The following PCDH9 variants were observed in gnomAD, a reference collection of about 807,000 sequenced individuals.
The protein encoded by PCDH9 is protocadherin 9.
In PCDH9, 24 loss-of-function variants were observed where a neutral mutation model predicts 70.6. That is an observed-to-expected ratio of 0.34 (90% CI 0.25 to 0.48). The LOEUF is 0.48. PCDH9 is among the 20% of genes least tolerant of loss of function. The pLI is 0.99. For synonymous variants in PCDH9, 562 were observed against 558.5 expected, an observed-to-expected ratio of 1.01 and a Z score of -0.09; for missense variants, 1,281 against 1,503.6, an observed-to-expected ratio of 0.85 and a Z score of 2.45.
intron 3 of PCDH9, among the ~76,000 whole-genome samples, chr13:66,681,947 A>C (rs1268393429): frequency 6.0e-5 from 8 of 133,668 alleles, no homozygotes; most frequent in African/African-American, 1.7e-4. Context: ...GAGTATATAC[A>C]AACATATATA....
chr13:67,026,788 A>G (rs1176205482), intron 2 of PCDH9, among the ~76,000 whole-genome samples: 2 of 151,664 alleles, frequency 1.3e-5, no homozygotes, highest in African/African-American at 4.8e-5. Context: ...ACAGAGAGCC[A>G]AATCATGAGT....
chr13:66,705,293 C>G (rs2078697460), intron 3 of PCDH9, among the ~76,000 whole-genome samples: 1 of 152,108 alleles, frequency 6.6e-6, no homozygotes, highest in African/African-American at 2.4e-5. Flanking sequence ...AGCATATAAA[C>G]TGCTGCTATT....
At chr13:67,164,535 C>T (rs1452837282) in intron 2 of PCDH9, among the ~76,000 whole-genome samples, 1 of 150,932 alleles carries the variant, frequency 6.6e-6, no homozygotes, top group Admixed American at 6.6e-5. Context: ...TAGCATGCCA[C>T]TGCACTCCAG....
At chr13:66,374,832 GA>G (rs1956720549) in intron 4 of PCDH9, among the ~76,000 whole-genome samples, 3 of 152,214 alleles carry the variant, frequency 2.0e-5, no homozygotes, top group African/African-American at 7.2e-5. Context: ...TGAGCAACAA[GA>G]TGTATTTCTT....
At chr13:66,973,833 G>A (rs562672375) in intron 2 of PCDH9, among the ~76,000 whole-genome samples, 1 of 152,066 alleles carries the variant, frequency 6.6e-6, no homozygotes, top group Non-Finnish European at 1.5e-5. Flanking sequence ...AACAGTAGAG[G>A]AGCCATTTCC....
chr13:66,748,690 T>A (rs1438011384), intron 3 of PCDH9, among the ~76,000 whole-genome samples: 1 of 152,168 alleles, frequency 6.6e-6, no homozygotes, highest in Non-Finnish European at 1.5e-5. Context: ...ATTTGTGAAA[T>A]CCTGGGCCTC....
intron 3 of PCDH9, among the ~76,000 whole-genome samples, chr13:66,824,360 A>C (rs943656170): frequency 7.0e-6 from 1 of 142,456 alleles, no homozygotes. Context: ...GTTAAATGTT[A>C]AAAACAATAT....
intron 4 of PCDH9, among the ~76,000 whole-genome samples, chr13:66,513,836 CTT>C (rs927428010): frequency 6.8e-6 from 1 of 147,450 alleles, no homozygotes; most frequent in East Asian, 2.0e-4. Context: ...AATGAGGTAA[CTT>C]TTTTTTTTTC....
At chr13:66,794,921 G>A (rs911099617) in intron 3 of PCDH9, among the ~76,000 whole-genome samples, 1 of 149,930 alleles carries the variant, frequency 6.7e-6, no homozygotes, top group African/African-American at 2.5e-5. Context: ...TTTCAGTTCT[G>A]GTGTCACTAA....
intron 4 of PCDH9, among the ~76,000 whole-genome samples, chr13:66,308,109 G>A (rs1218023663): frequency 6.6e-6 from 1 of 151,962 alleles, no homozygotes; most frequent in African/African-American, 2.4e-5. Flanking sequence ...GGAAGTAAAA[G>A]GTGTCATTAA....
chr13:66,359,760 C>A (rs537584935), intron 4 of PCDH9, among the ~76,000 whole-genome samples: 167 of 152,046 alleles, frequency 1.1e-3, no homozygotes, highest in African/African-American at 3.9e-3. Flanking sequence ...AACAAAGGGC[C>A]GTCTTTAGAA....
At chr13:66,724,308 C>T (rs1439260499) in intron 3 of PCDH9, among the ~76,000 whole-genome samples, 1 of 152,082 alleles carries the variant, frequency 6.6e-6, no homozygotes, top group Non-Finnish European at 1.5e-5. Flanking sequence ...ATCAGAATTA[C>T]CATGGAAAAT....
chr13:66,623,247 C>A (rs1305243105), intron 4 of PCDH9, among the ~76,000 whole-genome samples: 1 of 152,240 alleles, frequency 6.6e-6, no homozygotes, highest in Non-Finnish European at 1.5e-5. Flanking sequence ...TTTAATTTCT[C>A]AAGCTTCTTA....
intron 4 of PCDH9, among the ~76,000 whole-genome samples, chr13:66,371,056 A>G (rs1956642507): frequency 6.6e-6 from 1 of 152,152 alleles, no homozygotes; most frequent in South Asian, 2.1e-4. Context: ...GCTTTGAGGG[A>G]AATCATAAAT....
At chr13:66,680,655 T>C (rs2078306757) in intron 3 of PCDH9, among the ~76,000 whole-genome samples, 1 of 151,954 alleles carries the variant, frequency 6.6e-6, no homozygotes, top group African/African-American at 2.4e-5. Flanking sequence ...TTTCGATTAA[T>C]GGCATTTCAA....
intron 4 of PCDH9, among the ~76,000 whole-genome samples, chr13:66,580,579 C>T (rs1250281431): frequency 6.6e-6 from 1 of 151,378 alleles, no homozygotes; most frequent in Non-Finnish European, 1.5e-5. Flanking sequence ...AACTGTTGTA[C>T]AGTCATTAAC....
At chr13:67,057,114 T>C (rs1412134210) in intron 2 of PCDH9, among the ~76,000 whole-genome samples, 1 of 152,138 alleles carries the variant, frequency 6.6e-6, no homozygotes, top group Non-Finnish European at 1.5e-5. Context: ...GAAAACCAAC[T>C]GTGCTCAACT....
intron 3 of PCDH9, among the ~76,000 whole-genome samples, chr13:66,717,193 C>T (rs752936996): frequency 5.9e-5 from 9 of 151,830 alleles, no homozygotes; most frequent in Admixed American, 3.9e-4. Context: ...CGGTGGCTCA[C>T]GCCTGTAACT....
At chr13:67,147,260 T>C (rs2087544650) in intron 2 of PCDH9, among the ~76,000 whole-genome samples, 1 of 152,192 alleles carries the variant, frequency 6.6e-6, no homozygotes, top group Admixed American at 6.5e-5. Flanking sequence ...CCTTCATTTT[T>C]CAAATGAGAG....
Sources: allele counts gnomAD v4.1 joint callset (sites outside exome capture counted in the v4.1 genomes callset), GRCh38; gene constraint gnomAD v4.1.1; transcripts MANE v1.5; gene names NCBI Gene and HGNC (gene_info 2026-07-23, HGNC 2026-07-21).